Variants in MMP24 observed in about 807,000 individuals in gnomAD.
MMP24 encodes matrix metalloproteinase-24.
Under a neutral mutation model 62.8 loss-of-function variants are expected in MMP24, and 25 were observed. The observed-to-expected ratio is 0.40, with a 90% CI of 0.29 to 0.56. MMP24 has a LOEUF of 0.56. MMP24 is among the 20% of genes least tolerant of loss of function. The pLI is 0.50. For synonymous variants in MMP24, 319 were observed against 350.5 expected, an observed-to-expected ratio of 0.91 and a Z score of 1.00; for missense variants, 634 against 853.6, an observed-to-expected ratio of 0.74 and a Z score of 3.21.
chr20:35,252,261 C>T (rs1395759721), intron 3 of MMP24, among the ~76,000 whole-genome samples: 2 of 152,160 alleles, frequency 1.3e-5, no homozygotes, highest in Non-Finnish European at 2.9e-5. Context: ...TCTGGGGGCT[C>T]TTAGTTGTCT....
intron 4 of MMP24, among the ~76,000 whole-genome samples, chr20:35,259,601 CAGGGGA>C (rs2060592355): frequency 6.6e-6 from 1 of 152,124 alleles, no homozygotes; most frequent in South Asian, 2.1e-4. Flanking sequence ...CAGGTTATTC[CAGGGGA>C]AGGGGCAGCA....
chr20:35,242,396 T>C (rs186286484), intron 1 of MMP24, among the ~76,000 whole-genome samples: 58 of 152,244 alleles, frequency 3.8e-4, no homozygotes, highest in South Asian at 2.7e-3. Flanking sequence ...GTAAGTCTTT[T>C]AAGGATGAAA....
intron 1 of MMP24, among the ~76,000 whole-genome samples, chr20:35,228,783 C>T (rs775328232): frequency 6.6e-5 from 10 of 152,130 alleles, no homozygotes; most frequent in Non-Finnish European, 7.4e-5. Context: ...CCCTATGACA[C>T]GAGACCCCTA....
chr20:35,239,794 C>T lies in MMP24; in HGVS notation c.247-7046C>T, dbSNP rs140541290. ...GTGAGCCATGGCTGAGAGCGAGACC[C>T]TGTCTCAAAAAAAAACCAACCAAAC... On this transcript the variant is annotated intron_variant, in intron 1 of 8. Coordinates refer to ENST00000246186, the MANE Select transcript of MMP24 (RefSeq NM_006690.4). 3.1e-3 allele frequency among the ~76,000 whole-genome samples: 472 copies of T among 152,114 alleles called. 3 individuals are homozygous for T. The highest frequency in any genetic ancestry group is 0.011 in the African/African-American group (455 of 41,490).
intron 1 of MMP24, among the ~76,000 whole-genome samples, chr20:35,245,600 C>T (rs2060510568): frequency 6.6e-6 from 1 of 151,866 alleles, no homozygotes; most frequent in African/African-American, 2.4e-5. Flanking sequence ...AGGTGTGCAC[C>T]ACCACGACTG....
chr20:35,227,178 C>G (rs557788576), intron 1 of MMP24, among the ~76,000 whole-genome samples, 194 bp downstream of exon 1: 4 of 150,138 alleles, frequency 2.7e-5, no homozygotes, highest in South Asian at 4.2e-4. Context: ...CGAGGGCCGC[C>G]GAGGCCGGGA....
chr20:35,242,361 T>A (rs6088774), intron 1 of MMP24, among the ~76,000 whole-genome samples: 27,124 of 151,758 alleles, frequency 0.18, 2,511 homozygotes, highest in Middle Eastern at 0.31. Context: ...AAATTAAATT[T>A]AAAAAAAGCC....
At chr20:35,248,758 A>G (rs906584164) in intron 2 of MMP24, among the ~76,000 whole-genome samples, 5 of 151,888 alleles carry the variant, frequency 3.3e-5, no homozygotes, top group African/African-American at 1.2e-4. Flanking sequence ...AATACAGTGG[A>G]CTCCTTGGCC....
Position 35,254,461 on chromosome 20 carries a change from A to G in MMP24, c.524A>G (p.Tyr175Cys). Residue 175 changes from tyrosine to cysteine, a missense_variant, in exon 4 of 9, where the codon TAT (tyrosine) becomes TGT (cysteine). Physicochemically the swap from Tyr to Cys is radical, Grantham distance 194 (BLOSUM62 -2). Around this residue, in one of 3 missense-constraint regions of MMP24, gnomAD observed 212 missense variants for 259.6 expected, o/e 0.82. Transcript: ENST00000246186. ...CCCTCTCTCACCAGCATTCACAACT[A>G]TACCCCAAAAGTGGGTGAGCTAGAC... ...QKHITYSIHNYTPKVGELDTR... is the reference protein window; with the variant it reads ...QKHITYSIHNCTPKVGELDTR... 8 of 1,613,594 alleles carry G rather than the reference A, an allele frequency of 5.0e-6. No homozygotes were observed. The highest frequency in any genetic ancestry group is 1.1e-5 in the South Asian group (1 of 91,070).
At chr20:35,246,109 G>A (rs900427909) in intron 1 of MMP24, among the ~76,000 whole-genome samples, 10 of 151,756 alleles carry the variant, frequency 6.6e-5, no homozygotes, top group Admixed American at 5.9e-4. Context: ...CAGCAGACAC[G>A]GTGGATTTCT....
At chr20:35,251,836 G>A (rs929316271) in intron 2 of MMP24, 69 bp from the exon 3 acceptor site, 2 of 1,257,604 alleles carry the variant, frequency 1.6e-6, no homozygotes, top group African/African-American at 1.5e-5. Flanking sequence ...TGGGGAATAG[G>A]CAGTCCCTTC....
chr20:35,271,839 C>T lies in MMP24; in HGVS notation c.1600+4C>T, dbSNP rs1180792718. On this transcript the variant is annotated splice_donor_region_variant and intron_variant, in intron 8 of 8. Coordinates refer to ENST00000246186, the MANE Select transcript of MMP24 (RefSeq NM_006690.4). This position sits in a 1 kb window ranked among gnomAD's most constrained non-coding sequence, Gnocchi z 4.0. ...GCCTTCATCAGCAAGGAAGGATGTA[C>T]GTAAGGGCCGGGCCAGGGTGGGCAT... 1.2e-6 allele frequency: 2 copies of T among 1,606,508 alleles called. No homozygotes were observed. The highest frequency in any genetic ancestry group is 8.5e-7 in the Non-Finnish European group (1 of 1,177,194).
Position 35,269,808 on chromosome 20 carries a change from C to A in MMP24, c.1243C>A (p.Pro415Thr). 1.3e-6 allele frequency: 2 copies of A among 1,569,678 alleles called. No homozygotes were observed. Among genetic ancestry groups the A allele is most frequent in the East Asian group, 2.4e-5 (1 of 42,124 alleles). Reference protein sequence around the residue: ...LRNNRVQEGYPMQIEQFWKGL... With the variant: ...LRNNRVQEGYTMQIEQFWKGL... ...CAATAACCGAGTGCAGGAGGGCTAC[C>A]CCATGCAGATCGAGCAGTTCTGGAA... The change falls in exon 7 of 9, where the codon CCC becomes ACC. Residue 415 changes from proline (P) to threonine (T), a missense_variant. Pro to Thr is a conservative substitution (Grantham distance 38). Around this residue, in one of 3 missense-constraint regions of MMP24, gnomAD observed 399 missense variants for 530.8 expected, o/e 0.75. Transcript: ENST00000246186. This position sits in a 1 kb window ranked among gnomAD's most constrained non-coding sequence, Gnocchi z 4.6.
intron 1 of MMP24, among the ~76,000 whole-genome samples, chr20:35,230,093 G>A (rs1365867682): frequency 2.6e-5 from 4 of 152,020 alleles, no homozygotes; most frequent in Non-Finnish European, 5.9e-5. Context: ...AGGTTCAAGC[G>A]ATTCTCCTGC....
At chr20:35,245,808 C>CA (rs763638366) in intron 1 of MMP24, among the ~76,000 whole-genome samples, 1,344 of 112,322 alleles carry the variant, frequency 0.012, 12 homozygotes, top group East Asian at 0.018. Flanking sequence ...TCACCTGGGC[C>CA]AAAAAAAAAA....
chr20:35,242,904 A>C (rs2060496035), intron 1 of MMP24, among the ~76,000 whole-genome samples: 2 of 152,156 alleles, frequency 1.3e-5, no homozygotes, highest in South Asian at 4.1e-4. Context: ...ATGGCCAGGC[A>C]CGGTGGCTCA....
chr20:35,267,521 C>A, intron 6 of MMP24, 102 bp downstream of exon 6: 1 of 1,249,462 alleles, frequency 8.0e-7, no homozygotes, highest in Non-Finnish European at 1.1e-6. Context: ...GATTCGATTA[C>A]AATGGGGCCT....
At chr20:35,227,031 C>G (rs1229691389) in intron 1 of MMP24, 47 bp downstream of exon 1, 4 of 977,740 alleles carry the variant, frequency 4.1e-6, no homozygotes, top group Non-Finnish European at 4.8e-6. Context: ...GGCATCCGGG[C>G]AGGGCGGGGG....
In MMP24 at chr20:35,271,997, TCA is replaced by T; in HGVS notation, c.1600+164_1600+165del. The T allele has an allele frequency of 1.3e-6, 1 of 784,872 alleles. No homozygotes were observed. The highest frequency in any genetic ancestry group is 1.9e-5 in the South Asian group (1 of 53,426). 48.6% of individuals were successfully genotyped at this position (784,872 alleles called of 1,614,324 possible). On this transcript the variant is annotated intron_variant, in intron 8 of 8. Coordinates refer to ENST00000246186, the MANE Select transcript of MMP24 (RefSeq NM_006690.4). This position sits in a 1 kb window ranked among gnomAD's most constrained non-coding sequence, Gnocchi z 4.0. ...ACCCATGTTCACGTGGTCCATTAAT[TCA>T]CTTACCAGCTGCCAAGTCACACTTT...
Sources: gnomAD v4.1 joint callset for allele counts (sites outside exome capture counted in the v4.1 genomes callset) on GRCh38, gnomAD v4.1.1 for gene constraint, gnomAD v4.1.1 regional missense constraint, Gnocchi (gnomAD v3.1) non-coding constraint, MANE v1.5 for transcripts, NCBI Gene and HGNC (gene_info 2026-07-23, HGNC 2026-07-21) for gene names.